TTC27: variants seen among roughly 807,000 people sequenced by gnomAD.
The protein encoded by TTC27 is tetratricopeptide repeat domain 27.
In TTC27, 79 loss-of-function variants were observed where a neutral mutation model predicts 115.9. The ratio of observed to expected loss-of-function variants is 0.68; its 90% confidence interval spans 0.57 to 0.82. The LOEUF is 0.82. Among genes scored for constraint, TTC27 ranks in the 40% least tolerant of loss-of-function variants. The probability of loss-of-function intolerance (pLI) is 0.00; values close to 1 mark genes in which losing one functional copy is unlikely to be tolerated. For synonymous variants in TTC27, 401 were observed against 356.0 expected (o/e 1.13, Z -1.42); for missense variants, 1,054 against 993.1 (o/e 1.06, Z -0.82).
At chr2:32,643,010 C>A (rs918217724) in intron 4 of TTC27, among the ~76,000 whole-genome samples, 3 of 152,146 alleles carry the variant, frequency 2.0e-5, no homozygotes, top group Admixed American at 6.5e-5. Context: ...TGCTCTGTCG[C>A]CCAGGCTGGA....
chr2:32,753,425 A>G (rs1044922920), intron 12 of TTC27, among the ~76,000 whole-genome samples: 1 of 127,604 alleles, frequency 7.8e-6, no homozygotes, highest in Non-Finnish European at 1.6e-5. Flanking sequence ...ATCCAATCAA[A>G]TGCCTTTTTT....
At position 32,738,323 on chromosome 2, in the gene TTC27, T is replaced by G. The variant is rs114791035; in HGVS notation, c.1452+1507T>G. ...CTGGAAGCACTTAATCTATTTGCCT[T>G]ATAGGTTTTTGTAAGATAATATATG... On this transcript the variant is annotated intron_variant, in intron 12 of 19. Transcript: ENST00000317907. Among the ~76,000 whole-genome samples, 769 of 152,320 alleles carry G rather than the reference T, an allele frequency of 5.0e-3. 3 individuals are homozygous for G. Among genetic ancestry groups the G allele is most frequent in the Non-Finnish European group, 8.4e-3 (573 of 68,024 alleles).
intron 5 of TTC27, among the ~76,000 whole-genome samples, chr2:32,654,916 C>T (rs2151872785): frequency 6.6e-6 from 1 of 150,482 alleles, no homozygotes; most frequent in African/African-American, 2.4e-5. Flanking sequence ...GGCTGGTGTC[C>T]AACTCCTGAC....
chr2:32,819,491 GA>G (rs1671611900), intron 19 of TTC27, among the ~76,000 whole-genome samples: 1 of 152,144 alleles, frequency 6.6e-6, no homozygotes, highest in South Asian at 2.1e-4. Context: ...CACTTTTTTA[GA>G]ATACTTTAAA....
chr2:32,761,059 GACGC>G (rs1460328795), intron 13 of TTC27, among the ~76,000 whole-genome samples: 3 of 151,936 alleles, frequency 2.0e-5, no homozygotes, highest in Admixed American at 2.0e-4. Flanking sequence ...CCCTGAACTC[GACGC>G]CAGTACTTAA....
At chr2:32,812,457 G>T (rs1418819060) in intron 17 of TTC27, 47 bp from the exon 18 acceptor site, 4 of 1,392,654 alleles carry the variant, frequency 2.9e-6, no homozygotes, top group Non-Finnish European at 4.1e-6. Flanking sequence ...AGTTTGAAAT[G>T]TGAATTCTAC....
chr2:32,757,541 T>A (rs1669275083), intron 12 of TTC27, among the ~76,000 whole-genome samples: 1 of 152,196 alleles, frequency 6.6e-6, no homozygotes. Flanking sequence ...CAACCCTGTG[T>A]CAAACAAGTC....
intron 5 of TTC27, among the ~76,000 whole-genome samples, chr2:32,656,813 C>A (rs910710085): frequency 2.0e-5 from 3 of 151,978 alleles, no homozygotes; most frequent in Non-Finnish European, 4.4e-5. Context: ...TATGGGTTTC[C>A]CCCTCTGCTA....
intron 8 of TTC27, among the ~76,000 whole-genome samples, chr2:32,678,200 A>G (rs888692373): frequency 6.7e-6 from 1 of 148,778 alleles, no homozygotes; most frequent in Non-Finnish European, 1.5e-5. Flanking sequence ...GGTTGCAATG[A>G]GCCAAGTGTG....
chr2:32,803,644 C>G (rs1671033380), intron 16 of TTC27, among the ~76,000 whole-genome samples: 1 of 152,074 alleles, frequency 6.6e-6, no homozygotes, highest in African/African-American at 2.4e-5. Flanking sequence ...GAGTTGGCAA[C>G]TTGTGTTCCT....
chr2:32,637,577 T>G (rs1349392677), intron 3 of TTC27, among the ~76,000 whole-genome samples: 1 of 152,152 alleles, frequency 6.6e-6, no homozygotes, highest in East Asian at 1.9e-4. Context: ...ATGATCTGCC[T>G]GCCTCAGCCT....
chr2:32,657,323 T>C (rs1665362641), intron 5 of TTC27, among the ~76,000 whole-genome samples: 1 of 151,788 alleles, frequency 6.6e-6, no homozygotes, highest in Admixed American at 6.6e-5. Flanking sequence ...AGAGAATCTC[T>C]TAAATGGACC....
rs187620524 is a variant in TTC27 at position 32,674,856 on chromosome 2, G to A, written c.1052+2472G>A. On this transcript the variant is annotated intron_variant, in intron 8 of 19. Coordinates refer to ENST00000317907, the MANE Select transcript of TTC27 (RefSeq NM_017735.5). ...GTTTTATGTATTTGGTAGATATGGG[G>A]TTTCACTGTGTTAGCCAGGATGGTC... Among the ~76,000 whole-genome samples the A allele has an allele frequency of 1.9e-3, 290 of 152,038 alleles. 1 individual carries two copies. The highest frequency in any genetic ancestry group is 6.8e-3 in the African/African-American group (281 of 41,462).
At chr2:32,795,077 T>C (rs1670651255) in intron 16 of TTC27, among the ~76,000 whole-genome samples, 1 of 151,214 alleles carries the variant, frequency 6.6e-6, no homozygotes, top group South Asian at 2.1e-4. Flanking sequence ...ACCTCTTGGC[T>C]CATGCTATGA....
At position 32,735,611 on chromosome 2, in the gene TTC27, T is replaced by G. The variant is rs538345850; in HGVS notation, c.1330-1083T>G. The stretch of plus-strand genomic sequence containing the variant: ...CTATCTTTGTGTATTATTTTAAAGA[T>G]TGAGAAATAACAGAACAGTTTATTA... On this transcript the variant is annotated intron_variant, in intron 11 of 19. Coordinates refer to ENST00000317907, the MANE Select transcript of TTC27 (RefSeq NM_017735.5). 7.8e-4 allele frequency among the ~76,000 whole-genome samples: 119 copies of G among 152,162 alleles called. 1 individual carries two copies. In the South Asian group the frequency reaches 0.024, roughly 31 times the overall value.
At chr2:32,697,004 G>A (rs369367421) in intron 9 of TTC27, among the ~76,000 whole-genome samples, 4 of 152,136 alleles carry the variant, frequency 2.6e-5, no homozygotes, top group Admixed American at 6.5e-5. Context: ...TTCGAGACCC[G>A]CCTGGGTGAA....
rs1308232854 is a variant in TTC27 at position 32,817,567 on chromosome 2, A to C, written c.2409+10A>C. 2 of 1,605,364 alleles carry C rather than the reference A, an allele frequency of 1.2e-6. No homozygotes were observed. The highest frequency in any genetic ancestry group is 1.3e-5 in the African/African-American group (1 of 74,840). On this transcript the variant is annotated intron_variant, in intron 19 of 19. Transcript: ENST00000317907. ...GTTATCTAAAGCAAAGGTGAGAGTG[A>C]CATGTGAATTAATTGGAATTGTCAT...
At chr2:32,702,588 C>G (rs1410525341) in intron 9 of TTC27, among the ~76,000 whole-genome samples, 1 of 152,180 alleles carries the variant, frequency 6.6e-6, no homozygotes, top group African/African-American at 2.4e-5. Context: ...AAATTGGAAA[C>G]TCCCTACCCT....
intron 9 of TTC27, among the ~76,000 whole-genome samples, chr2:32,696,055 G>A (rs1666975259): frequency 6.7e-6 from 1 of 150,250 alleles, no homozygotes; most frequent in African/African-American, 2.4e-5. Flanking sequence ...CCTGGGAGGT[G>A]GAGGTTGCAG....
Sources: gnomAD v4.1 joint callset for allele counts (sites outside exome capture counted in the v4.1 genomes callset) on GRCh38, gnomAD v4.1.1 for gene constraint, MANE v1.5 for transcripts, NCBI Gene and HGNC (gene_info 2026-07-23, HGNC 2026-07-21) for gene names.